Variants in SUPT3H observed in about 807,000 individuals in gnomAD.
The protein encoded by SUPT3H is transcription initiation protein SPT3 homolog.
In SUPT3H, 44 loss-of-function variants were observed where a neutral mutation model predicts 44.3. The ratio of observed to expected loss-of-function variants is 0.99; its 90% CI spans 0.78 to 1.28. The LOEUF (loss-of-function observed/expected upper bound fraction) is 1.28, where lower values mean the gene tolerates loss of function less well. SUPT3H is among the 50% of genes most tolerant of loss of function. SUPT3H has a pLI of 0.00. For missense variants in SUPT3H, 380 were observed against 387.1 expected, an observed-to-expected ratio of 0.98 and a Z score of 0.15; for synonymous variants, 124 against 125.6, an observed-to-expected ratio of 0.99 and a Z score of 0.09.
At chr6:45,325,373 G>A (rs116497345) in intron 2 of SUPT3H, among the ~76,000 whole-genome samples, 3,510 of 151,850 alleles carry the variant, frequency 0.023, 45 homozygotes, top group Non-Finnish European at 0.035. Flanking sequence ...TGGTTACAAT[G>A]AAGACACACA....
At chr6:45,102,366 A>G (rs971744116) in intron 3 of SUPT3H, among the ~76,000 whole-genome samples, 30 of 152,262 alleles carry the variant, frequency 2.0e-4, no homozygotes, top group African/African-American at 7.0e-4. Flanking sequence ...GCAGAAAGCA[A>G]TAAGAATTAA....
chr6:44,878,369 A>G (rs563669451), intron 10 of SUPT3H, among the ~76,000 whole-genome samples: 1 of 152,166 alleles, frequency 6.6e-6, no homozygotes, highest in South Asian at 2.1e-4. Context: ...ACAACGTGCC[A>G]TTTGTGGGTA....
At chr6:45,098,538 T>G in intron 3 of SUPT3H, 1 of 276,002 alleles carries the variant, frequency 3.6e-6, no homozygotes, top group Non-Finnish European at 7.2e-6. Context: ...GAAAGGAGAG[T>G]ATAAGAGAGG....
At chr6:45,016,709 T>C (rs1472845078) in intron 4 of SUPT3H, among the ~76,000 whole-genome samples, 4 of 152,088 alleles carry the variant, frequency 2.6e-5, no homozygotes, top group African/African-American at 9.7e-5. Context: ...TTCCATCGTG[T>C]ATATGTGCCA....
At chr6:45,291,086 T>C (rs11964844) in intron 2 of SUPT3H, among the ~76,000 whole-genome samples, 3 of 152,012 alleles carry the variant, frequency 2.0e-5, no homozygotes, top group South Asian at 2.1e-4. Context: ...TGTGCTGGTA[T>C]ACACAGCTGA....
chr6:44,841,109 T>C (rs571158988), intron 10 of SUPT3H, among the ~76,000 whole-genome samples: 2 of 152,368 alleles, frequency 1.3e-5, no homozygotes, highest in South Asian at 4.1e-4. Flanking sequence ...ATGCTTCCTG[T>C]ACAGCCTGGA....
chr6:44,831,711 T>G (rs1440611284), intron 10 of SUPT3H, among the ~76,000 whole-genome samples: 20 of 152,164 alleles, frequency 1.3e-4, no homozygotes, highest in Non-Finnish European at 1.5e-5. Context: ...AAGTGAGCCT[T>G]GCTTGAGAAA....
At chr6:44,883,140 T>C (rs912059778) in intron 10 of SUPT3H, among the ~76,000 whole-genome samples, 2 of 152,142 alleles carry the variant, frequency 1.3e-5, no homozygotes, top group South Asian at 4.1e-4. Context: ...GAAAACTCAA[T>C]CATCTCAGCC....
intron 2 of SUPT3H, among the ~76,000 whole-genome samples, chr6:45,161,293 A>G (rs1311216025): frequency 6.6e-6 from 1 of 152,272 alleles, no homozygotes; most frequent in Middle Eastern, 3.4e-3. Flanking sequence ...TCTTGTGTCC[A>G]GAAGGAAGCA....
intron 2 of SUPT3H, chr6:45,323,086 C>G: frequency 1.6e-6 from 1 of 609,184 alleles, no homozygotes; most frequent in South Asian, 2.3e-5. Context: ...GGTTGTGAAA[C>G]AAAACACTGA....
intron 2 of SUPT3H, among the ~76,000 whole-genome samples, chr6:45,183,421 T>C (rs1201929732): frequency 6.6e-6 from 1 of 152,224 alleles, no homozygotes; most frequent in Non-Finnish European, 1.5e-5. Flanking sequence ...TGAGACTAGA[T>C]AATTTATAAT....
chr6:45,053,320 G>A (rs563536610), intron 3 of SUPT3H, among the ~76,000 whole-genome samples: 22 of 151,730 alleles, frequency 1.4e-4, no homozygotes, highest in African/African-American at 3.4e-4. Flanking sequence ...GGGCATTGTC[G>A]AAAACAACAG....
chr6:44,947,422 A>C (rs771245569), intron 9 of SUPT3H, among the ~76,000 whole-genome samples: 23 of 152,322 alleles, frequency 1.5e-4, no homozygotes, highest in Admixed American at 1.4e-3. Flanking sequence ...ATAAAAAGAG[A>C]TATTTCATAA....
chr6:45,086,455 T>C (rs1796486714), intron 3 of SUPT3H, among the ~76,000 whole-genome samples: 1 of 152,034 alleles, frequency 6.6e-6, no homozygotes, highest in Non-Finnish European at 1.5e-5. Flanking sequence ...GCTCCATTCC[T>C]GGTCAACCAA....
chr6:45,308,518 T>A (rs562741089), intron 2 of SUPT3H, among the ~76,000 whole-genome samples: 1 of 152,180 alleles, frequency 6.6e-6, no homozygotes, highest in African/African-American at 2.4e-5. Context: ...GAAGGAGAAA[T>A]AAAATACTTC....
At chr6:45,318,963 T>G (rs1450100287) in intron 2 of SUPT3H, among the ~76,000 whole-genome samples, 1 of 152,170 alleles carries the variant, frequency 6.6e-6, no homozygotes, top group Non-Finnish European at 1.5e-5. Context: ...AAATCTTCCC[T>G]ACATAAATAT....
chr6:45,283,899 G>T (rs1778669751), intron 2 of SUPT3H, among the ~76,000 whole-genome samples: 1 of 152,172 alleles, frequency 6.6e-6, no homozygotes, highest in Non-Finnish European at 1.5e-5. Context: ...TCAGACCACA[G>T]TGAAATCAAA....
At chr6:45,229,826 T>C (rs1299519587) in intron 2 of SUPT3H, among the ~76,000 whole-genome samples, 1 of 152,196 alleles carries the variant, frequency 6.6e-6, no homozygotes, top group Non-Finnish European at 1.5e-5. Context: ...TTATTATTTT[T>C]ATGTACAGGT....
At chr6:44,887,394 A>G (rs1266528421) in intron 10 of SUPT3H, among the ~76,000 whole-genome samples, 2 of 152,242 alleles carry the variant, frequency 1.3e-5, no homozygotes, top group South Asian at 4.1e-4. Context: ...CAAATGTAAA[A>G]GAACAGAAAT....
Sources: gnomAD v4.1 joint callset for allele counts (sites outside exome capture counted in the v4.1 genomes callset) on GRCh38, gnomAD v4.1.1 for gene constraint, MANE v1.5 for transcripts, NCBI Gene and HGNC (gene_info 2026-07-23, HGNC 2026-07-21) for gene names.